The following CDK16 variants were observed in gnomAD, a reference collection of about 807,000 sequenced individuals.
CDK16 encodes the protein cyclin dependent kinase 16.
Under a neutral mutation model 41.6 loss-of-function variants are expected in CDK16, and 2 were observed. The ratio of observed to expected loss-of-function variants is 0.05; its 90% CI spans 0.02 to 0.15. CDK16 has a LOEUF of 0.15. Among genes scored for constraint, CDK16 ranks in the 10% least tolerant of loss-of-function variants. The pLI is 1.00. For synonymous variants in CDK16, 169 were observed against 169.7 expected (o/e 1.00, Z 0.03); for missense variants, 228 against 428.9 (o/e 0.53, Z 4.14).
At position 47,228,982 on chromosome X, in the gene CDK16, C is replaced by T; in HGVS notation, c.*214C>T. The T allele has an allele frequency of 2.0e-6, 1 of 495,086 alleles. No homozygotes were observed. The highest frequency in any genetic ancestry group is 2.7e-5 in the South Asian group (1 of 37,155). The allele number at this position is 495,086 out of a possible 1,213,427, so 40.8% of individuals were successfully genotyped here. A position where few individuals can be genotyped will look rare whatever the true frequency, so the allele number is the denominator to read the frequency against. Reference sequence around the variant, plus strand: ...TGCTGGGTGCTAACAAAGCTCTCATCACTCCTTCACTTGGTCTGTCTGTCT... The same window carrying T: ...TGCTGGGTGCTAACAAAGCTCTCATTACTCCTTCACTTGGTCTGTCTGTCT... On this transcript the variant is annotated 3_prime_UTR_variant, in exon 16 of 16. Coordinates refer to ENST00000357227, the MANE Select transcript of CDK16 (RefSeq NM_006201.5).
Position 47,228,620 on chromosome X carries a change from C to A in CDK16, c.1429C>A (p.Arg477=). 8.3e-7 allele frequency: 1 copy of A among 1,210,762 alleles called. No homozygotes were observed. The highest frequency in any genetic ancestry group is 1.1e-6 in the Non-Finnish European group (1 of 894,606). The change falls in exon 15 of 16, where the codon CGG becomes AGG. Residue 477 remains arginine, a synonymous_variant. Coordinates refer to ENST00000357227, the MANE Select transcript of CDK16 (RefSeq NM_006201.5). The stretch of plus-strand genomic sequence containing the variant: ...TCAGCTACAAAAGGAGGCCAGCCTT[C>A]GGTCTTCGTCGATGCCTGACTCAGG... ...EIQLQKEASL[R]SSSMPDSGRP... is the part of the protein sequence containing the mutation.
chrX:47,223,880 C>T (rs1937458756), intron 2 of CDK16, 121 bp downstream of exon 2: 1 of 557,446 alleles, frequency 1.8e-6, no homozygotes, highest in Non-Finnish European at 2.9e-6. Context: ...CCCATGTGCT[C>T]TCTTCTCCCC....
In CDK16 at chrX:47,228,851, C is replaced by A; in HGVS notation, c.*83C>A. 1.0e-6 allele frequency: 1 copy of A among 973,880 alleles called. No individual in the cohort carries two copies. Among genetic ancestry groups the A allele is most frequent in the Non-Finnish European group, 1.4e-6 (1 of 694,991 alleles). The allele number at this position is 973,880 out of a possible 1,213,427, so 80.3% of individuals were successfully genotyped here. On this transcript the variant is annotated 3_prime_UTR_variant, in exon 16 of 16. Transcript: ENST00000357227. ...GCAGCCCCCAACTACATCTTCCCTG[C>A]TTACTCTCTGCCTACCTGCCTGAGC...
At chrX:47,219,222 C>G in intron 1 of CDK16, 117 bp downstream of exon 1, 1 of 686,486 alleles carries the variant, frequency 1.5e-6, no homozygotes, top group Non-Finnish European at 1.7e-6. Context: ...GCGAATTTCC[C>G]AGAATGCACC....
chrX:47,227,814 C>A, intron 14 of CDK16: 1 of 174,063 alleles, frequency 5.7e-6, no homozygotes, highest in Non-Finnish European at 1.1e-5. Flanking sequence ...GCACAAAAGT[C>A]AAGAAACAGA....
Position 47,222,599 on chromosome X carries a change from G to A in CDK16, c.-6-953G>A, listed in dbSNP as rs765365017. On this transcript the variant is annotated intron_variant, in intron 1 of 15. Coordinates refer to ENST00000357227, the MANE Select transcript of CDK16 (RefSeq NM_006201.5). ...CAGGAACAGCCAGTGTAAAGGCCCCGAGGTGGGACTCTACTGGGTGTGGTT... is the reference window on the plus strand; with the variant it reads ...CAGGAACAGCCAGTGTAAAGGCCCCAAGGTGGGACTCTACTGGGTGTGGTT... Among the ~76,000 whole-genome samples the A allele has an allele frequency of 3.5e-4, 35 of 99,227 alleles. 1 individual carries two copies. Among genetic ancestry groups the A allele is most frequent in the African/African-American group, 1.3e-3 (34 of 26,793 alleles). The allele number at this position is 99,227 out of a possible 115,157, so 86.2% of individuals were successfully genotyped here.
At position 47,227,217 on chromosome X, in the gene CDK16, G is replaced by C. The variant is rs138033019; in HGVS notation, c.1278G>C (p.Leu426=). The C allele has an allele frequency of 1.8e-5, 22 of 1,204,549 alleles. No homozygotes were observed. In the African/African-American group the frequency reaches 3.7e-4, roughly 20 times the overall value. ...ACGGGGCCGACCTCCTCACCAAGCT[G>C]TTGCAGGTGAGACCACCTTGGGTCA... ...DSDGADLLTK[L]LQFEGRNRIS... The change falls in exon 13 of 16, where the codon CTG becomes CTC. Residue 426 remains leucine (L), a synonymous_variant. Coordinates refer to ENST00000357227, the MANE Select transcript of CDK16 (RefSeq NM_006201.5).
Position 47,225,812 on chromosome X carries a change from G to T in CDK16, c.675G>T (p.Thr225=), listed in dbSNP as rs372258262. Residue 225 remains threonine (T), a synonymous_variant, in exon 7 of 16, where the codon ACG becomes ACT. Transcript: ENST00000357227. ...LKDLKHANIV[T]LHDIIHTEKS... is the part of the protein sequence containing the mutation. ...ACCTCAAACACGCCAACATCGTTAC[G>T]CTACATGACATTATCCACACGGAGA... 4.1e-6 allele frequency: 5 copies of T among 1,209,430 alleles called. No individual in the cohort carries two copies. In the African/African-American group the frequency reaches 8.7e-5, roughly 21 times the overall value.
chrX:47,228,029 G>A (rs898841356), intron 14 of CDK16: 10 of 114,309 alleles, frequency 8.7e-5, no homozygotes, highest in African/African-American at 3.2e-4. Context: ...TCAAATATAT[G>A]TATTTATATA....
Position 47,229,474 on chromosome X carries a change from G to C in CDK16, c.*706G>C. 6.8e-6 allele frequency: 2 copies of C among 295,895 alleles called. No individual in the cohort carries two copies. The highest frequency in any genetic ancestry group is 1.3e-5 in the Non-Finnish European group (2 of 153,607). 24.4% of individuals were successfully genotyped at this position (295,895 alleles called of 1,213,427 possible). A position where few individuals can be genotyped will look rare whatever the true frequency, so the allele number is the denominator to read the frequency against. On this transcript the variant is annotated 3_prime_UTR_variant, in exon 16 of 16. Transcript: ENST00000357227. ...AGACCCTGGGATTGGCTATGGGAAA[G>C]CATGCCACAGCCACTCGCCTTCCTA...
At chrX:47,222,687 A>G (rs953837108) in intron 1 of CDK16, among the ~76,000 whole-genome samples, 1 of 106,091 alleles carries the variant, frequency 9.4e-6, no homozygotes, top group Middle Eastern at 4.9e-3. Flanking sequence ...CGTGGGCAAG[A>G]GGCAATAGGG....
At position 47,224,720 on chromosome X, in the gene CDK16, C is replaced by T; in HGVS notation, c.439C>T (p.Arg147Cys). Reference protein sequence around the residue: ...NSPIFDKPLSRRLRRVSLSEI... With the variant: ...NSPIFDKPLSCRLRRVSLSEI... ...CCCCATCTTTGACAAGCCCCTCAGC[C>T]GCCGCCTCCGTCGTGTCAGCCTAGT... Residue 147 changes from arginine (R) to cysteine (C), a missense_variant, in exon 4 of 16, where the codon CGC becomes TGC. Around this residue, in one of 3 missense-constraint regions of CDK16, gnomAD observed 66 missense variants for 197.2 expected, o/e 0.33. Transcript: ENST00000357227. 3.3e-6 allele frequency: 4 copies of T among 1,211,640 alleles called. No homozygotes were observed. Among genetic ancestry groups the T allele is most frequent in the Non-Finnish European group, 4.5e-6 (4 of 895,468 alleles).
intron 1 of CDK16, chrX:47,222,955 C>G: frequency 1.3e-6 from 1 of 755,761 alleles, no homozygotes; most frequent in Non-Finnish European, 1.7e-6. Flanking sequence ...CACACGCTCC[C>G]CTCCCCCCCC....
At chrX:47,228,675 C>T (rs1437914309) in intron 15 of CDK16, 31 bp downstream of exon 15, 2 of 1,205,335 alleles carry the variant, frequency 1.7e-6, no homozygotes, top group Non-Finnish European at 1.1e-6. Flanking sequence ...TCCTCCCTGC[C>T]CCACCCACCT....
chrX:47,223,874 T>C, intron 2 of CDK16, 115 bp downstream of exon 2: 1 of 591,845 alleles, frequency 1.7e-6, no homozygotes, highest in Middle Eastern at 5.1e-4. Flanking sequence ...CTGCCCCCCA[T>C]GTGCTCTCTT....
chrX:47,229,154 C>T lies in CDK16; in HGVS notation c.*386C>T. On this transcript the variant is annotated 3_prime_UTR_variant, in exon 16 of 16. Transcript: ENST00000357227. ...CTAGCCCAGGCTGGGGATCTCGACTCAGACAAGATGGTGACAATGCCTTGA... is the reference window on the plus strand; with the variant it reads ...CTAGCCCAGGCTGGGGATCTCGACTTAGACAAGATGGTGACAATGCCTTGA... 1 of 303,600 alleles carries T rather than the reference C, an allele frequency of 3.3e-6. No individual in the cohort carries two copies. Among genetic ancestry groups the T allele is most frequent in the Non-Finnish European group, 5.9e-6 (1 of 168,901 alleles). The allele number at this position is 303,600 out of a possible 1,213,427, so 25.0% of individuals were successfully genotyped here.
At chrX:47,218,543 C>T (rs1937173288), upstream of CDK16, 1 of 1,084,653 alleles carries the variant, frequency 9.2e-7, no homozygotes, top group Non-Finnish European at 1.2e-6. Flanking sequence ...GAACTGAGTA[C>T]TAAACAGCCT....
At chrX:47,218,417 GT>G, upstream of CDK16, 1 of 406,565 alleles carries the variant, frequency 2.5e-6, no homozygotes, top group Non-Finnish European at 4.1e-6. Flanking sequence ...CAAAAGTCCC[GT>G]TTGCCACCAT....
Position 47,224,630 on chromosome X carries a change from C to T in CDK16, c.349C>T (p.Arg117Cys). The change falls in exon 4 of 16, where the codon CGC becomes TGC. Residue 117 changes from arginine to cysteine, a missense_variant. By Grantham distance (180) the Arg-to-Cys change is radical. This residue lies in a region of CDK16 where 66 missense variants were observed against 197.2 expected (regional missense o/e 0.33). Transcript: ENST00000357227. The part of the protein sequence containing the change: ...RKISTEDINK[R>C]LSLPADIRLP... ...CCTTACCTGCTAGGACATCAACAAGCGCCTATCACTACCAGCTGACATCCG... is the reference window on the plus strand; with the variant it reads ...CCTTACCTGCTAGGACATCAACAAGTGCCTATCACTACCAGCTGACATCCG... 1.7e-6 allele frequency: 2 copies of T among 1,211,557 alleles called. No homozygotes were observed. Among genetic ancestry groups the T allele is most frequent in the Non-Finnish European group, 2.2e-6 (2 of 895,402 alleles).
Sources: gnomAD v4.1 joint callset for allele counts (sites outside exome capture counted in the v4.1 genomes callset) on GRCh38, gnomAD v4.1.1 for gene constraint, gnomAD v4.1.1 regional missense constraint, MANE v1.5 for transcripts, NCBI Gene and HGNC (gene_info 2026-07-23, HGNC 2026-07-21) for gene names.